Variants in ZNF717 observed in about 807,000 individuals in gnomAD.
ZNF717 encodes zinc finger protein 717.
In ZNF717, 9 loss-of-function variants were observed where a neutral mutation model predicts 13.8. The observed-to-expected ratio is 0.65, with a 90% confidence interval of 0.39 to 1.14. The LOEUF is 1.14. Ranked by LOEUF, ZNF717 falls within the 50% of genes most tolerant of loss-of-function variation. ZNF717 has a pLI of 0.01. For synonymous variants in ZNF717, 327 were observed against 364.1 expected (o/e 0.90, Z 1.16); for missense variants, 1,040 against 1,080.7 (o/e 0.96, Z 0.53).
At chr3:75,750,761 A>G (rs12637890) in intron 2 of ZNF717, among the ~76,000 whole-genome samples, 48,992 of 151,250 alleles carry the variant, frequency 0.32, 9,182 homozygotes, top group Non-Finnish European at 0.42. Context: ...ATAGGATTCC[A>G]GAACTCCCCT....
chr3:75,695,563 T>C (rs1321698680), intron 6 of ZNF717, among the ~76,000 whole-genome samples: 2 of 152,302 alleles, frequency 1.3e-5, no homozygotes, highest in East Asian at 3.8e-4. Flanking sequence ...TTCTCAAGGA[T>C]AGACCATATG....
At chr3:75,735,707 C>T (rs1198427414), downstream of ZNF717, among the ~76,000 whole-genome samples, 3 of 139,394 alleles carry the variant, frequency 2.2e-5, no homozygotes, top group African/African-American at 8.2e-5. Flanking sequence ...CCATAAAAGG[C>T]AGAAAAAGAG....
chr3:75,712,106 C>A (rs1186875796), intron 5 of ZNF717, among the ~76,000 whole-genome samples: 19 of 152,314 alleles, frequency 1.2e-4, no homozygotes, highest in Middle Eastern at 3.4e-3. Context: ...AAAAAAGTTA[C>A]AAGAGTTGAC....
chr3:75,738,900 T>C lies in ZNF717; in HGVS notation c.723A>G (p.Glu241=). The change falls in exon 5 of 5, where the codon GAA becomes GAG. Residue 241 remains glutamate (E), a synonymous_variant. Coordinates refer to ENST00000652011, the MANE Select transcript of ZNF717 (RefSeq NM_001290208.3). ...HIVQTFGKYN[E]YEKACNNSAV... is the part of the protein sequence containing the mutation. ...CTGAGTTATTACAGGCTTTCTCATATTCATTATATTTACCAAAGGTCTGTA... is the reference window on the plus strand; with the variant it reads ...CTGAGTTATTACAGGCTTTCTCATACTCATTATATTTACCAAAGGTCTGTA... The C allele has an allele frequency of 1.3e-6, 2 of 1,551,534 alleles. No individual in the cohort carries two copies. Among genetic ancestry groups the C allele is most frequent in the Middle Eastern group, 1.7e-4 (1 of 5,992 alleles).
At chr3:75,741,240 C>A in intron 4 of ZNF717, 36 bp downstream of exon 4, 2 of 1,314,612 alleles carry the variant, frequency 1.5e-6, no homozygotes. Flanking sequence ...GGGCATTACT[C>A]CTCCAGGCCT....
chr3:75,778,616 A>G (rs974734596), intron 2 of ZNF717, among the ~76,000 whole-genome samples: 2 of 151,752 alleles, frequency 1.3e-5, no homozygotes, highest in Non-Finnish European at 2.9e-5. Context: ...AACCAAAAAC[A>G]ATGGGAGTGA....
At chr3:75,706,271 C>G (rs1390644330), downstream of ZNF717, among the ~76,000 whole-genome samples, 4 of 152,292 alleles carry the variant, frequency 2.6e-5, no homozygotes, top group African/African-American at 9.6e-5. Context: ...GACCCTGACC[C>G]CAAGAAGGGA....
downstream of ZNF717, among the ~76,000 whole-genome samples, chr3:75,727,989 T>C (rs1292406559): frequency 6.6e-6 from 1 of 152,248 alleles, no homozygotes; most frequent in Non-Finnish European, 1.5e-5. Flanking sequence ...GAACCTACAT[T>C]GAAATATTGG....
chr3:75,728,487 T>A (rs1484818062), downstream of ZNF717, among the ~76,000 whole-genome samples: 1 of 152,232 alleles, frequency 6.6e-6, no homozygotes, highest in African/African-American at 2.4e-5. Flanking sequence ...TGGCTCTGTG[T>A]CCCCACCCAA....
At chr3:75,702,040 A>G (rs1937706817) in intron 6 of ZNF717, among the ~76,000 whole-genome samples, 2 of 152,420 alleles carry the variant, frequency 1.3e-5, no homozygotes, top group South Asian at 4.1e-4. Flanking sequence ...TGTTGGGAGC[A>G]CAGTTAAGAA....
At chr3:75,695,188 C>T (rs1254690593) in intron 6 of ZNF717, among the ~76,000 whole-genome samples, 2 of 152,198 alleles carry the variant, frequency 1.3e-5, no homozygotes, top group Admixed American at 6.5e-5. Context: ...AATAGCTATA[C>T]TTATACCAGA....
intron 5 of ZNF717, among the ~76,000 whole-genome samples, chr3:75,711,492 G>T (rs1937936868): frequency 6.6e-6 from 1 of 152,092 alleles, no homozygotes; most frequent in Non-Finnish European, 1.5e-5. Context: ...TTAGTCTACT[G>T]ATCTTAAATT....
At chr3:75,756,288 CTCTT>C (rs1942465998) in intron 2 of ZNF717, among the ~76,000 whole-genome samples, 1 of 152,126 alleles carries the variant, frequency 6.6e-6, no homozygotes, top group Non-Finnish European at 1.5e-5. Flanking sequence ...CGGGCCATTT[CTCTT>C]TCTCTCTTTT....
chr3:75,700,043 G>A (rs1297090457), intron 6 of ZNF717, among the ~76,000 whole-genome samples: 8 of 152,330 alleles, frequency 5.3e-5, no homozygotes, highest in Admixed American at 2.0e-4. Context: ...GGAAGAATCA[G>A]TATTTTTTAA....
At position 75,724,466 on chromosome 3, in the gene ZNF717, C is replaced by T. The variant is rs1169239828; in HGVS notation, n.545-7925G>A. Among the ~76,000 whole-genome samples the T allele has an allele frequency of 3.3e-5, 5 of 151,150 alleles. No individual in the cohort carries two copies. The East Asian group carries it at 9.7e-4, about 29-fold the overall frequency. On this transcript the variant is annotated intron_variant and non_coding_transcript_variant, in intron 4 of 5. Coordinates refer to the ZNF717 transcript ENST00000491507. ...TCATGTTCCTCCAACTGGTCGCAAA[C>T]TCTTGAGCTCCAAAAGTGCTGGGAT...
chr3:75,783,914 C>A (rs574970014), intron 1 of ZNF717, among the ~76,000 whole-genome samples: 1 of 152,316 alleles, frequency 6.6e-6, no homozygotes, highest in African/African-American at 2.4e-5. Context: ...CCATTCTACT[C>A]ATGTTTCCCA....
intron 2 of ZNF717, among the ~76,000 whole-genome samples, chr3:75,752,170 T>C (rs1941889909): frequency 6.6e-6 from 1 of 151,746 alleles, no homozygotes; most frequent in East Asian, 2.0e-4. Flanking sequence ...GGGTACTGAG[T>C]GTCCCTCACA....
chr3:75,758,172 T>G (rs1324747516), intron 2 of ZNF717, among the ~76,000 whole-genome samples: 2 of 141,606 alleles, frequency 1.4e-5, no homozygotes, highest in Non-Finnish European at 3.1e-5. Context: ...ATTCCAACCC[T>G]CACAGATGAC....
intron 2 of ZNF717, among the ~76,000 whole-genome samples, chr3:75,769,844 C>G (rs547365539): frequency 1.3e-5 from 2 of 152,048 alleles, no homozygotes; most frequent in African/African-American, 4.8e-5. Context: ...TGTAATATAA[C>G]CTTTAAAGAA....
Sources: gnomAD v4.1 joint callset for allele counts (sites outside exome capture counted in the v4.1 genomes callset) on GRCh38, gnomAD v4.1.1 for gene constraint, MANE v1.5 for transcripts, NCBI Gene and HGNC (gene_info 2026-07-23, HGNC 2026-07-21) for gene names.